CFH: variants seen among roughly 807,000 people sequenced by gnomAD.
The protein encoded by CFH is H factor 1 (complement).
A neutral mutation model predicts 147.3 loss-of-function variants in CFH; 53 were observed. The ratio of observed to expected loss-of-function variants is 0.36; its 90% confidence interval spans 0.29 to 0.45. The LOEUF is 0.45. Ranked by LOEUF, CFH falls within the 20% of genes least tolerant of loss-of-function variation. The pLI, the probability that CFH is intolerant of heterozygous loss-of-function variation, is 1.00. For synonymous variants in CFH, 536 were observed against 489.4 expected, an observed-to-expected ratio of 1.10 and a Z score of -1.26; for missense variants, 1,380 against 1,498.0, an observed-to-expected ratio of 0.92 and a Z score of 1.30.
At chr1:196,682,866 T>C (rs1294810518) in intron 6 of CFH, among the ~76,000 whole-genome samples, 3 of 151,630 alleles carry the variant, frequency 2.0e-5, no homozygotes, top group Admixed American at 6.6e-5. Context: ...GCTATAGAGA[T>C]ATATTAAAGC....
At chr1:196,746,312 A>G (rs1653002556) in intron 21 of CFH, among the ~76,000 whole-genome samples, 1 of 151,934 alleles carries the variant, frequency 6.6e-6, no homozygotes, top group African/African-American at 2.4e-5. Context: ...AATAACCGGC[A>G]TGGTGACGGG....
In CFH at chr1:196,747,169, A is replaced by T; in HGVS notation, c.3552A>T (p.Thr1184=). The change falls in exon 22 of 22, where the codon ACA becomes ACT. Residue 1184 remains threonine, a synonymous_variant. Coordinates refer to ENST00000367429, the MANE Select transcript of CFH (RefSeq NM_000186.4). ...MENYNIALRW[T]AKQKLYSRTG... is the part of the protein sequence containing the mutation. ...ATTATAACATAGCATTAAGGTGGAC[A>T]GCCAAACAGAAGCTTTATTCGAGAA... The T allele has an allele frequency of 6.2e-7, 1 of 1,613,902 alleles. No individual in the cohort carries two copies. Among genetic ancestry groups the T allele is most frequent in the Non-Finnish European group, 8.5e-7 (1 of 1,179,840 alleles).
chr1:196,678,236 A>T (rs2149081190), intron 5 of CFH: 1 of 154,630 alleles, frequency 6.5e-6, no homozygotes. Context: ...AACAGAATCC[A>T]CTAAATAAAT....
At chr1:196,688,305 A>G (rs1239900315) in intron 7 of CFH, among the ~76,000 whole-genome samples, 1 of 152,094 alleles carries the variant, frequency 6.6e-6, no homozygotes, top group Non-Finnish European at 1.5e-5. Flanking sequence ...ATAATAACTC[A>G]GTAAAATGTA....
At chr1:196,685,259 AC>A in intron 7 of CFH, 22 bp downstream of exon 7, 1 of 1,611,468 alleles carries the variant, frequency 6.2e-7, no homozygotes, top group Non-Finnish European at 8.5e-7. Flanking sequence ...TCATATCTTG[AC>A]CCATTTCTTA....
At chr1:196,722,547 C>T (rs1371776017) in intron 11 of CFH, among the ~76,000 whole-genome samples, 1 of 152,048 alleles carries the variant, frequency 6.6e-6, no homozygotes, top group East Asian at 1.9e-4. Context: ...CTTTAGATAG[C>T]CTGATGACTA....
chr1:196,738,609 T>G (rs542272777), intron 17 of CFH, among the ~76,000 whole-genome samples: 1 of 152,350 alleles, frequency 6.6e-6, no homozygotes, highest in East Asian at 1.9e-4. Flanking sequence ...ACTCCATGTC[T>G]CACATTCAGG....
chr1:196,674,731 T>C (rs1667398233), intron 3 of CFH, among the ~76,000 whole-genome samples: 2 of 152,164 alleles, frequency 1.3e-5, no homozygotes, highest in South Asian at 4.1e-4. Context: ...AATATAATAG[T>C]TTAAAGCTTA....
intron 1 of CFH, among the ~76,000 whole-genome samples, chr1:196,672,541 A>T (rs565470830): frequency 6.6e-6 from 1 of 152,342 alleles, no homozygotes; most frequent in Admixed American, 6.5e-5. Flanking sequence ...TTACTTAATA[A>T]CTGGCTTCCC....
intron 7 of CFH, among the ~76,000 whole-genome samples, chr1:196,685,905 C>T (rs191309681): frequency 6.6e-6 from 1 of 152,056 alleles, no homozygotes; most frequent in Admixed American, 6.6e-5. Flanking sequence ...CTACCTGAGA[C>T]TGGATAATTT....
At chr1:196,679,908 C>T in intron 6 of CFH, 115 bp downstream of exon 6, 2 of 962,872 alleles carry the variant, frequency 2.1e-6, no homozygotes, top group East Asian at 2.7e-5. Flanking sequence ...TGTAAATAAA[C>T]TATTATAAAA....
intron 9 of CFH, among the ~76,000 whole-genome samples, chr1:196,696,570 G>A (rs1435098606): frequency 1.3e-5 from 2 of 151,926 alleles, no homozygotes; most frequent in Non-Finnish European, 2.9e-5. Context: ...GATGGGGATG[G>A]CATTGAATCT....
chr1:196,673,839 CTT>C lies in CFH; in HGVS notation c.245-10_245-9del, dbSNP rs35507625. On this transcript the variant is annotated splice_polypyrimidine_tract_variant and intron_variant, in intron 2 of 21. Coordinates refer to ENST00000367429, the MANE Select transcript of CFH (RefSeq NM_000186.4). ...CTTGCTATTACATACTAATTCATAACTTTTTTTTTCGTTTTAGAAAGGCCCTG... is the reference window on the plus strand; with the variant it reads ...CTTGCTATTACATACTAATTCATAACTTTTTTTCGTTTTAGAAAGGCCCTG... 2 of 1,486,484 alleles carry C rather than the reference CTT, an allele frequency of 1.3e-6. No homozygotes were observed. Among genetic ancestry groups the C allele is most frequent in the African/African-American group, 1.4e-5 (1 of 72,188 alleles). The allele number at this position is 1,486,484 out of a possible 1,614,324, so 92.1% of individuals were successfully genotyped here.
At chr1:196,668,754 A>G (rs1207576867) in intron 1 of CFH, among the ~76,000 whole-genome samples, 1 of 152,160 alleles carries the variant, frequency 6.6e-6, no homozygotes, top group Non-Finnish European at 1.5e-5. Flanking sequence ...CTCCCCAACC[A>G]TGTGAAAGTA....
chr1:196,677,456 A>G lies in CFH; in HGVS notation c.428-20A>G. On this transcript the variant is annotated intron_variant, in intron 4 of 21. Transcript: ENST00000367429. ...AACTTTTAAAATTCCATTAGAAAAC[A>G]TTACATGTATTTTCTTCAGTTGTGA... The G allele has an allele frequency of 1.2e-6, 2 of 1,608,248 alleles. No individual in the cohort carries two copies. Among genetic ancestry groups the G allele is most frequent in the South Asian group, 2.2e-5 (2 of 90,930 alleles).
At position 196,713,255 on chromosome 1, in the gene CFH, C is replaced by T. The variant is rs534444719; in HGVS notation, c.1337-480C>T. 9.2e-5 allele frequency among the ~76,000 whole-genome samples: 14 copies of T among 152,176 alleles called. No homozygotes were observed. The South Asian group carries it at 2.9e-3, about 32-fold the overall frequency. ...CCACATGTCCATTTACTTTGAAGCA[C>T]ACAATAAGAATGACATTTCAAATTC... is the stretch of plus-strand genomic sequence containing the variant. On this transcript the variant is annotated intron_variant, in intron 9 of 21. Coordinates refer to ENST00000367429, the MANE Select transcript of CFH (RefSeq NM_000186.4).
intron 9 of CFH, among the ~76,000 whole-genome samples, chr1:196,699,439 C>A (rs1668386765): frequency 6.6e-6 from 1 of 152,064 alleles, no homozygotes; most frequent in African/African-American, 2.4e-5. Flanking sequence ...GGCTACAAGC[C>A]CTTCACTGAG....
Position 196,725,130 on chromosome 1 carries a change from G to A in CFH, c.1706G>A (p.Cys569Tyr). Residue 569 changes from cysteine to tyrosine, a missense_variant, in exon 12 of 22, where the codon TGC (cysteine) becomes TAC (tyrosine). Cys to Tyr is a radical substitution (Grantham distance 194). This residue lies in a region of CFH where 830 missense variants were observed against 821.4 expected (regional missense o/e 1.01). Coordinates refer to ENST00000367429, the MANE Select transcript of CFH (RefSeq NM_000186.4). ...TTTTACCTTTTTCAAGAAAGAGAATGCGAACTTCCTAAAATAGATGTACAC... is the reference window on the plus strand; with the variant it reads ...TTTTACCTTTTTCAAGAAAGAGAATACGAACTTCCTAAAATAGATGTACAC... Reference protein sequence around the residue: ...SDLPICYERECELPKIDVHLV... With the variant: ...SDLPICYEREYELPKIDVHLV... 1 of 1,612,910 alleles carries A rather than the reference G, an allele frequency of 6.2e-7. No homozygotes were observed. The highest frequency in any genetic ancestry group is 8.5e-7 in the Non-Finnish European group (1 of 1,179,218).
chr1:196,668,457 T>C lies in CFH; in HGVS notation c.59-4521T>C, dbSNP rs1667169140. On this transcript the variant is annotated intron_variant, in intron 1 of 21. Transcript: ENST00000367429. ...TTACTATTCTCCTGGAAAAAAAATGTTTCCTCTGTCTGTGATATGGTTTGG... is the reference window on the plus strand; with the variant it reads ...TTACTATTCTCCTGGAAAAAAAATGCTTCCTCTGTCTGTGATATGGTTTGG... 2.0e-5 allele frequency among the ~76,000 whole-genome samples: 3 copies of C among 152,286 alleles called. No homozygotes were observed. The South Asian group carries it at 6.2e-4, about 32-fold the overall frequency.
Sources: allele counts gnomAD v4.1 joint callset (sites outside exome capture counted in the v4.1 genomes callset), GRCh38; gene constraint gnomAD v4.1.1; regional missense constraint gnomAD v4.1.1; transcripts MANE v1.5; gene names NCBI Gene and HGNC (gene_info 2026-07-23, HGNC 2026-07-21).